Variants in OPRM1 observed in about 807,000 individuals in gnomAD.
The protein encoded by OPRM1 is mu-type opioid receptor.
In OPRM1, 27 loss-of-function variants were observed where a neutral mutation model predicts 31.8. The observed-to-expected ratio is 0.85, with a 90% CI of 0.63 to 1.17. The LOEUF (loss-of-function observed/expected upper bound fraction) is 1.17, where lower values mean the gene tolerates loss of function less well. OPRM1 is among the 50% of genes most tolerant of loss of function. The probability of loss-of-function intolerance (pLI) is 0.00; values close to 1 mark genes in which losing one functional copy is unlikely to be tolerated. For missense variants in OPRM1, 536 were observed against 511.1 expected, an observed-to-expected ratio of 1.05 and a Z score of -0.47; for synonymous variants, 196 against 189.9, an observed-to-expected ratio of 1.03 and a Z score of -0.26.
intron 3 of OPRM1, among the ~76,000 whole-genome samples, chr6:154,228,476 C>T (rs1779448939): frequency 6.6e-6 from 1 of 152,212 alleles, no homozygotes; most frequent in Admixed American, 6.5e-5. Flanking sequence ...GAAACACGTT[C>T]CTTTTCACTT....
chr6:154,121,780 C>T lies in OPRM1; in HGVS notation c.*3059C>T, dbSNP rs766424471. 2.0e-5 allele frequency among the ~76,000 whole-genome samples: 3 copies of T among 152,086 alleles called. No homozygotes were observed. The highest frequency in any genetic ancestry group is 6.6e-5 in the Admixed American group (1 of 15,258). ...AAAGAAAACACCTCTGCAAAGATTC[C>T]GACCACATTTATCAAAAAGTCCCCA... is the stretch of plus-strand genomic sequence containing the variant. On this transcript the variant is annotated 3_prime_UTR_variant, in exon 4 of 4. Coordinates refer to ENST00000330432, the MANE Select transcript of OPRM1 (RefSeq NM_000914.5).
chr6:154,088,205 A>G (rs755956460), intron 1 of OPRM1, among the ~76,000 whole-genome samples: 42 of 152,234 alleles, frequency 2.8e-4, no homozygotes, highest in Admixed American at 2.2e-3. Context: ...TGAAAGAAGC[A>G]GCACAAAAAA....
intron 3 of OPRM1, among the ~76,000 whole-genome samples, chr6:154,103,613 T>G (rs913746698): frequency 1.3e-5 from 2 of 152,226 alleles, no homozygotes; most frequent in African/African-American, 4.8e-5. Flanking sequence ...AATAAAAGAA[T>G]AGCTACTCCA....
chr6:154,061,037 A>T (rs1336119200), intron 1 of OPRM1, among the ~76,000 whole-genome samples: 2 of 152,196 alleles, frequency 1.3e-5, no homozygotes, highest in South Asian at 2.1e-4. Context: ...GAATTTAAAC[A>T]TATTTAACAG....
chr6:154,197,388 C>T (rs1483592491), intron 3 of OPRM1, among the ~76,000 whole-genome samples: 1 of 152,176 alleles, frequency 6.6e-6, no homozygotes, highest in African/African-American at 2.4e-5. Flanking sequence ...TTCAGTTCTT[C>T]TGGGAATTTA....
intron 3 of OPRM1, among the ~76,000 whole-genome samples, chr6:154,140,559 A>G (rs1432587951): frequency 6.6e-6 from 1 of 151,830 alleles, no homozygotes; most frequent in Non-Finnish European, 1.5e-5. Context: ...CAAATTCCTG[A>G]CTTCAGGTGA....
chr6:154,043,915 T>C (rs73788983), intron 1 of OPRM1, among the ~76,000 whole-genome samples: 2,875 of 152,238 alleles, frequency 0.019, 115 homozygotes, highest in African/African-American at 0.066. Context: ...CTAAACACAC[T>C]AAATTGCTTT....
At chr6:154,108,105 C>T in intron 3 of OPRM1, 1 of 616,040 alleles carries the variant, frequency 1.6e-6, no homozygotes. Context: ...CTGAGCGGCC[C>T]TAGTGATCCG....
chr6:154,175,679 A>G (rs1800261285), intron 3 of OPRM1, among the ~76,000 whole-genome samples: 1 of 152,302 alleles, frequency 6.6e-6, no homozygotes, highest in Middle Eastern at 3.4e-3. Flanking sequence ...GGCAATAATT[A>G]ATAGCCTACC....
intron 1 of OPRM1, among the ~76,000 whole-genome samples, chr6:154,088,253 GA>G (rs1440354211): frequency 6.6e-6 from 1 of 152,152 alleles, no homozygotes; most frequent in Non-Finnish European, 1.5e-5. Context: ...CATCTTCTAG[GA>G]AATGCAAACT....
chr6:154,047,521 G>C (rs894544611), intron 1 of OPRM1, among the ~76,000 whole-genome samples: 3 of 151,710 alleles, frequency 2.0e-5, no homozygotes, highest in Non-Finnish European at 4.4e-5. Flanking sequence ...TTGCCTTTAG[G>C]TATTAGTCCT....
chr6:154,027,650 G>T (rs1778775582), intron 1 of OPRM1, among the ~76,000 whole-genome samples: 1 of 152,156 alleles, frequency 6.6e-6, no homozygotes, highest in South Asian at 2.1e-4. Context: ...AACTCTATCT[G>T]GTATTCTATT....
At chr6:154,084,789 TA>T (rs1000089436) in intron 1 of OPRM1, among the ~76,000 whole-genome samples, 1 of 151,952 alleles carries the variant, frequency 6.6e-6, no homozygotes, top group Admixed American at 6.6e-5. Flanking sequence ...CACTACTTGG[TA>T]AAAAAAATGA....
intron 1 of OPRM1, among the ~76,000 whole-genome samples, chr6:154,023,982 G>A (rs1486002007): frequency 6.6e-6 from 1 of 151,972 alleles, no homozygotes; most frequent in Non-Finnish European, 1.5e-5. Context: ...GTTCATCAGA[G>A]GTCTTGGCCT....
chr6:154,149,619 T>TA (rs1554284661), intron 3 of OPRM1, among the ~76,000 whole-genome samples: 1 of 136,736 alleles, frequency 7.3e-6, no homozygotes. Flanking sequence ...TGTGTGTGTG[T>TA]GCGCGCGTGT....
At chr6:154,090,905 T>A (rs1289823186) in intron 2 of OPRM1, 47 bp from the exon 3 acceptor site, 5 of 1,550,702 alleles carry the variant, frequency 3.2e-6, no homozygotes, top group Middle Eastern at 1.7e-4. Flanking sequence ...CCTTATGACA[T>A]AATTAAATGT....
At chr6:154,152,184 A>AAAGAGAGAG in intron 3 of OPRM1, among the ~76,000 whole-genome samples, 1 of 137,760 alleles carries the variant, frequency 7.3e-6, no homozygotes, top group Non-Finnish European at 1.5e-5. Flanking sequence ...AAAAAAAAAG[A>AAAGAGAGAG]AAGAGAGAGA....
rs945093954 is a variant in OPRM1, at chr6:154,238,930, T to TA, written c.1165-7752dup. Reference sequence around the variant, plus strand: ...TTGGATTCTATATTGTTGTTTTTTTTAAAAAAAAAAAGAAGTTGTGGAAAC... The same window carrying TA: ...TTGGATTCTATATTGTTGTTTTTTTTAAAAAAAAAAAAGAAGTTGTGGAAAC... On this transcript the variant is annotated intron_variant, in intron 3 of 3. Coordinates refer to the OPRM1 transcript ENST00000337049. Among the ~76,000 whole-genome samples, 465 of 147,418 alleles carry TA rather than the reference T, an allele frequency of 3.2e-3. 2 individuals carry two copies. The highest frequency in any genetic ancestry group is 0.011 in the African/African-American group (437 of 40,412).
At chr6:154,136,440 A>G (rs570457291), downstream of OPRM1, among the ~76,000 whole-genome samples, 3 of 152,314 alleles carry the variant, frequency 2.0e-5, no homozygotes, top group South Asian at 6.2e-4. Flanking sequence ...CTTGTAAAAT[A>G]ATGGTGTCAA....
Sources: gnomAD v4.1 joint callset for allele counts (sites outside exome capture counted in the v4.1 genomes callset) on GRCh38, gnomAD v4.1.1 for gene constraint, MANE v1.5 for transcripts, NCBI Gene and HGNC (gene_info 2026-07-23, HGNC 2026-07-21) for gene names.